NTN1: variants seen among roughly 807,000 people sequenced by gnomAD.
The protein encoded by NTN1 is netrin 1.
In NTN1, 11 loss-of-function variants were observed where a neutral mutation model predicts 54.2. The observed-to-expected ratio is 0.20, with a 90% CI of 0.13 to 0.34. The LOEUF (loss-of-function observed/expected upper bound fraction) is 0.34, where lower values mean the gene tolerates loss of function less well. Among genes scored for constraint, NTN1 ranks in the 10% least tolerant of loss-of-function variants. The pLI, the probability that NTN1 is intolerant of heterozygous loss-of-function variation, is 1.00. For missense variants in NTN1, 740 were observed against 893.1 expected (o/e 0.83, Z 2.18); for synonymous variants, 371 against 382.0 (o/e 0.97, Z 0.33).
At chr17:9,217,983 C>T (rs1338856223) in intron 5 of NTN1, among the ~76,000 whole-genome samples, 2 of 152,076 alleles carry the variant, frequency 1.3e-5, no homozygotes, top group Non-Finnish European at 2.9e-5. Flanking sequence ...CAGCCACCTT[C>T]TCTGGATCTT....
At chr17:9,059,026 G>A (rs890504567) in intron 2 of NTN1, among the ~76,000 whole-genome samples, 2 of 152,176 alleles carry the variant, frequency 1.3e-5, no homozygotes, top group Non-Finnish European at 2.9e-5. Flanking sequence ...CTGTCTCAGA[G>A]GGCTGTTAGG....
At chr17:9,088,512 C>T (rs1045823000) in intron 2 of NTN1, among the ~76,000 whole-genome samples, 1 of 152,102 alleles carries the variant, frequency 6.6e-6, no homozygotes, top group African/African-American at 2.4e-5. Context: ...GAGCTCCTAG[C>T]ACCCCAATGA....
At chr17:9,075,671 G>A (rs1453652914) in intron 2 of NTN1, among the ~76,000 whole-genome samples, 10 of 152,166 alleles carry the variant, frequency 6.6e-5, no homozygotes, top group Admixed American at 6.5e-4. Flanking sequence ...TCTTTGGGAG[G>A]GGGAAGCTTT....
chr17:9,121,355 A>C (rs894971489), intron 2 of NTN1, among the ~76,000 whole-genome samples: 29 of 151,574 alleles, frequency 1.9e-4, no homozygotes, highest in African/African-American at 6.8e-4. Context: ...TTTTCCTTCC[A>C]CAGTATAATA....
upstream of NTN1, among the ~76,000 whole-genome samples, chr17:9,020,715 G>T (rs959555710): frequency 6.6e-6 from 1 of 152,178 alleles, no homozygotes; most frequent in African/African-American, 2.4e-5. Flanking sequence ...CTGCCTCAGG[G>T]GATCTGGGGA....
intron 5 of NTN1, among the ~76,000 whole-genome samples, chr17:9,209,940 G>A (rs537577594): frequency 2.0e-5 from 3 of 152,176 alleles, no homozygotes; most frequent in Admixed American, 6.5e-5. Flanking sequence ...TCAGGGCACC[G>A]TCCCTGAGAG....
At chr17:9,172,039 C>T (rs2092388405) in intron 3 of NTN1, among the ~76,000 whole-genome samples, 2 of 151,978 alleles carry the variant, frequency 1.3e-5, no homozygotes, top group Non-Finnish European at 2.9e-5. Context: ...CAGGCATGCG[C>T]CACCACACCT....
At chr17:9,196,012 A>T (rs1306478603) in intron 5 of NTN1, among the ~76,000 whole-genome samples, 1 of 152,078 alleles carries the variant, frequency 6.6e-6, no homozygotes, top group African/African-American at 2.4e-5. Flanking sequence ...GAAATGAAGG[A>T]GCTGGGCTAA....
intron 2 of NTN1, among the ~76,000 whole-genome samples, chr17:9,073,598 C>T (rs185709745): frequency 1.1e-4 from 17 of 152,348 alleles, no homozygotes; most frequent in Admixed American, 5.9e-4. Context: ...GCCCTCCCGC[C>T]GAGTGCAGGA....
chr17:9,089,416 A>T (rs1461430288), intron 2 of NTN1, among the ~76,000 whole-genome samples: 1 of 35,546 alleles, frequency 2.8e-5, no homozygotes, highest in African/African-American at 5.9e-5. Flanking sequence ...TTCCATCTAA[A>T]AAAAAAAAAA....
chr17:9,138,564 G>A (rs1207279189), intron 2 of NTN1, among the ~76,000 whole-genome samples: 1 of 152,228 alleles, frequency 6.6e-6, no homozygotes, highest in Non-Finnish European at 1.5e-5. Flanking sequence ...GCCAGACAGA[G>A]CCTCATTCCC....
chr17:9,183,414 T>C, intron 5 of NTN1: 1 of 428,494 alleles, frequency 2.3e-6, no homozygotes, highest in Non-Finnish European at 4.7e-6. Context: ...GAATCACATC[T>C]TCATTTTCAT....
Position 9,240,436 on chromosome 17 carries a change from G to C in NTN1, c.*468G>C, listed in dbSNP as rs901898198. The C allele has an allele frequency of 6.6e-6, 1 of 152,378 alleles. No homozygotes were observed. Among genetic ancestry groups the C allele is most frequent in the East Asian group, 1.9e-4 (1 of 5,174 alleles). 9.4% of individuals were successfully genotyped at this position (152,378 alleles called of 1,614,324 possible). A position where few individuals can be genotyped will look rare whatever the true frequency, so the allele number is the denominator to read the frequency against. On this transcript the variant is annotated 3_prime_UTR_variant, in exon 7 of 7. Coordinates refer to ENST00000173229, the MANE Select transcript of NTN1 (RefSeq NM_004822.3). ...TTCTCAAGCCCGTAGTGTGGGCGGG[G>C]CGCGGAGCACCCACCAAACCACCAC... is the stretch of plus-strand genomic sequence containing the variant.
chr17:9,119,679 T>C (rs1259700847), intron 2 of NTN1, among the ~76,000 whole-genome samples: 1 of 151,346 alleles, frequency 6.6e-6, no homozygotes, highest in Non-Finnish European at 1.5e-5. Flanking sequence ...TTAAATTTTT[T>C]TGTAGAGACA....
At chr17:9,041,771 G>A (rs1409109227) in intron 2 of NTN1, among the ~76,000 whole-genome samples, 2 of 152,104 alleles carry the variant, frequency 1.3e-5, no homozygotes, top group African/African-American at 4.8e-5. Flanking sequence ...CACTTTGGGA[G>A]GCGGAGGCGG....
At position 9,239,800 on chromosome 17, in the gene NTN1, C is replaced by G. The variant is rs372411993; in HGVS notation, c.1647C>G (p.Ile549Met). The change falls in exon 7 of 7, where the codon ATC (isoleucine) becomes ATG (methionine). Residue 549 changes from isoleucine (I) to methionine (M), a missense_variant. Ile to Met is a conservative substitution (Grantham distance 10). Coordinates refer to ENST00000173229, the MANE Select transcript of NTN1 (RefSeq NM_004822.3). The surrounding 1 kb of genome is among the most constrained non-coding windows in gnomAD (Gnocchi z 5.2). Reference protein sequence around the residue: ...SRDIACKCPKIKPLKKYLLLG... With the variant: ...SRDIACKCPKMKPLKKYLLLG... ...ACATCGCCTGCAAGTGTCCCAAAAT[C>G]AAGCCCCTCAAGAAGTACCTGCTGC... The G allele has an allele frequency of 5.0e-6, 8 of 1,613,634 alleles. No homozygotes were observed. In the African/African-American group the frequency reaches 6.7e-5, roughly 13 times the overall value.
intron 5 of NTN1, among the ~76,000 whole-genome samples, chr17:9,205,348 C>G (rs963863729): frequency 6.6e-6 from 1 of 152,188 alleles, no homozygotes; most frequent in Non-Finnish European, 1.5e-5. Flanking sequence ...AAAGGGGCAG[C>G]CAGGTGCAGT....
chr17:9,146,063 T>A (rs1178693487), intron 2 of NTN1, among the ~76,000 whole-genome samples: 1 of 151,868 alleles, frequency 6.6e-6, no homozygotes, highest in Non-Finnish European at 1.5e-5. Context: ...CTGTCTAGGG[T>A]TTGGGAGACC....
intron 2 of NTN1, among the ~76,000 whole-genome samples, chr17:9,131,741 T>C (rs889065340): frequency 4.6e-5 from 7 of 151,996 alleles, no homozygotes; most frequent in Non-Finnish European, 8.8e-5. Context: ...CCTCCACGCC[T>C]GGCTAATTTT....
Sources: gnomAD v4.1 joint callset for allele counts (sites outside exome capture counted in the v4.1 genomes callset) on GRCh38, gnomAD v4.1.1 for gene constraint, Gnocchi (gnomAD v3.1) non-coding constraint, MANE v1.5 for transcripts, NCBI Gene and HGNC (gene_info 2026-07-23, HGNC 2026-07-21) for gene names.